Variants in EGF observed in about 807,000 individuals in gnomAD.
The protein encoded by EGF is pro-epidermal growth factor.
A neutral mutation model predicts 143.8 loss-of-function variants in EGF; 95 were observed. That is an observed-to-expected ratio of 0.66 (90% CI 0.56 to 0.78). The LOEUF is 0.78. Ranked by LOEUF, EGF falls within the 30% of genes least tolerant of loss-of-function variation. EGF has a pLI of 0.00. For missense variants in EGF, 1,320 were observed against 1,470.9 expected (o/e 0.90, Z 1.68); for synonymous variants, 510 against 510.5 (o/e 1.00, Z 0.01).
At position 110,009,910 on chromosome 4, in the gene EGF, TGC is replaced by T. The variant is rs1239073280; in HGVS notation, c.3371-1291_3371-1290del. On this transcript the variant is annotated intron_variant, in intron 23 of 23. Transcript: ENST00000265171. ...AGTACATGCTAGGGGCAGCTGACTA[TGC>T]CAGGGGAAAAGAAAAGAAATACACC... Among the ~76,000 whole-genome samples, 5 of 152,290 alleles carry T rather than the reference TGC, an allele frequency of 3.3e-5. No homozygotes were observed. The East Asian group carries it at 9.6e-4, about 29-fold the overall frequency.
At chr4:109,948,505 G>A (rs1579569061) in intron 5 of EGF, among the ~76,000 whole-genome samples, 2 of 152,068 alleles carry the variant, frequency 1.3e-5, no homozygotes, top group Admixed American at 1.3e-4. Context: ...TGGGGGGGTG[G>A]ATGAAGTCTG....
intron 5 of EGF, among the ~76,000 whole-genome samples, chr4:109,948,950 A>C (rs1743329536): frequency 1.3e-5 from 2 of 152,200 alleles, no homozygotes; most frequent in African/African-American, 4.8e-5. Context: ...AAATCATATA[A>C]TCTGGTTGAT....
chr4:110,002,183 G>A (rs1486113216), intron 21 of EGF, among the ~76,000 whole-genome samples: 1 of 152,100 alleles, frequency 6.6e-6, no homozygotes, highest in Admixed American at 6.6e-5. Context: ...TTTGTCTTCT[G>A]TGTCTCTCAA....
chr4:109,920,343 C>A (rs2125933502), intron 1 of EGF, among the ~76,000 whole-genome samples: 1 of 151,760 alleles, frequency 6.6e-6, no homozygotes, highest in Non-Finnish European at 1.5e-5. Context: ...GACTCAATAA[C>A]TATCCTCAAT....
At position 109,993,284 on chromosome 4, in the gene EGF, A is replaced by G; in HGVS notation, c.2772A>G (p.Gly924=). The change falls in exon 19 of 24, where the codon GGA becomes GGG. Residue 924 remains glycine, a synonymous_variant. Transcript: ENST00000265171. ...DECQLGEHSC[G]ENASCTNTEG... is the part of the protein sequence containing the mutation. ...GCCAACTGGGGGAGCACAGCTGTGG[A>G]GAGAATGCCAGCTGCACAAATACAG... The G allele has an allele frequency of 6.2e-7, 1 of 1,613,780 alleles. No homozygotes were observed. The highest frequency in any genetic ancestry group is 8.5e-7 in the Non-Finnish European group (1 of 1,179,898).
chr4:110,005,861 A>G (rs922995014), intron 22 of EGF, among the ~76,000 whole-genome samples: 20 of 152,158 alleles, frequency 1.3e-4, no homozygotes, highest in African/African-American at 4.6e-4. Flanking sequence ...AGCAAAGGCA[A>G]TGTTTGGGGT....
intron 1 of EGF, among the ~76,000 whole-genome samples, chr4:109,934,781 T>G (rs4279279): frequency 0.38 from 57,734 of 151,996 alleles, 11,253 homozygotes; most frequent in East Asian, 0.5. Flanking sequence ...TCTCCATATG[T>G]CTAGCCAGTT....
At chr4:109,927,936 T>A in intron 1 of EGF, among the ~76,000 whole-genome samples, 1 of 151,980 alleles carries the variant, frequency 6.6e-6, no homozygotes, top group East Asian at 1.9e-4. Flanking sequence ...AAATTGAGCA[T>A]AATTTGTGTT....
At chr4:109,953,536 G>A (rs1319958539) in intron 5 of EGF, among the ~76,000 whole-genome samples, 1 of 152,186 alleles carries the variant, frequency 6.6e-6, no homozygotes, top group African/African-American at 2.4e-5. Context: ...TAAAGAGTTA[G>A]TGTCCTAACC....
chr4:109,954,137 C>T (rs865927889), intron 5 of EGF, among the ~76,000 whole-genome samples: 10 of 152,136 alleles, frequency 6.6e-5, no homozygotes, highest in East Asian at 1.9e-4. Context: ...CTGCAACCTC[C>T]GCCTCCCAGG....
intron 5 of EGF, among the ~76,000 whole-genome samples, chr4:109,957,422 A>G (rs1314610185): frequency 6.6e-6 from 1 of 152,246 alleles, no homozygotes; most frequent in Non-Finnish European, 1.5e-5. Context: ...TATATATATC[A>G]TGCTCAAGCA....
chr4:109,940,947 TC>T lies in EGF; in HGVS notation c.131del (p.Pro44LeufsTer5). The T allele has an allele frequency of 6.2e-7, 1 of 1,614,028 alleles. No individual in the cohort carries two copies. Among genetic ancestry groups the T allele is most frequent in the Non-Finnish European group, 8.5e-7 (1 of 1,179,920 alleles). The part of the protein sequence containing the change: ...AGNGNSTCVG[P>X]APFLIFSHGN... ...TTTGGTCTCTTTCTTCCCACCCAGG[TC>T]CTGCACCCTTCTTAATTTTCTCCCA... On this transcript the variant is annotated frameshift_variant and splice_region_variant, in exon 2 of 24. Transcript: ENST00000265171. LOFTEE classifies it high-confidence loss of function.
intron 3 of EGF, among the ~76,000 whole-genome samples, 194 bp downstream of exon 3, chr4:109,943,629 A>G (rs1442528968): frequency 6.6e-6 from 1 of 152,180 alleles, no homozygotes; most frequent in Non-Finnish European, 1.5e-5. Context: ...AATATTCCTA[A>G]CTATCATGGT....
rs545591810 is a variant in EGF at position 109,913,352 on chromosome 4, T to C, written c.17T>C (p.Ile6Thr). 7.4e-6 allele frequency: 12 copies of C among 1,613,984 alleles called. No homozygotes were observed. In the African/African-American group the frequency reaches 8.0e-5, roughly 11 times the overall value. ...ATCAAGATTATGCTGCTCACTCTTA[T>C]CATTCTGTTGCCAGTAGTTTCAAAA... MLLTL[I>T]ILLPVVSKFS... Residue 6 changes from isoleucine to threonine, a missense_variant, in exon 1 of 24, where the codon ATC becomes ACC. Ile to Thr is a moderately conservative substitution (Grantham distance 89). Transcript: ENST00000265171.
intron 16 of EGF, among the ~76,000 whole-genome samples, chr4:109,984,065 T>C (rs1217585026): frequency 6.6e-6 from 1 of 152,214 alleles, no homozygotes; most frequent in Non-Finnish European, 1.5e-5. Flanking sequence ...ACTTAAGTCT[T>C]TCTTGTTCCA....
At chr4:109,928,002 G>C (rs1739035493) in intron 1 of EGF, among the ~76,000 whole-genome samples, 2 of 152,038 alleles carry the variant, frequency 1.3e-5, no homozygotes, top group African/African-American at 2.4e-5. Context: ...TATAGCATAG[G>C]AACATTATAA....
At chr4:109,987,617 T>C (rs1750325116) in intron 16 of EGF, 127 bp from the exon 17 acceptor site, 4 of 800,758 alleles carry the variant, frequency 5.0e-6, no homozygotes, top group Admixed American at 3.4e-5. Flanking sequence ...GCGTTTCTAT[T>C]TGGAGGTTAA....
rs1754146939 is a variant in EGF at position 110,013,273 on chromosome 4, T to G, written c.*1818T>G. 6.6e-6 allele frequency among the ~76,000 whole-genome samples: 1 copy of G among 152,196 alleles called. No homozygotes were observed. On this transcript the variant is annotated 3_prime_UTR_variant, in exon 24 of 24. Transcript: ENST00000265171. ...GGGTTTAGATTAAATTTTTGTATTT[T>G]AGCACCTTTTTCTTTTAGGGGTTCA... is the stretch of plus-strand genomic sequence containing the variant.
At chr4:109,957,374 G>C (rs1185051874) in intron 5 of EGF, among the ~76,000 whole-genome samples, 1 of 152,208 alleles carries the variant, frequency 6.6e-6, no homozygotes, top group East Asian at 1.9e-4. Flanking sequence ...CCTTTACGAG[G>C]AAAGTAACCT....
Sources: allele counts gnomAD v4.1 joint callset (sites outside exome capture counted in the v4.1 genomes callset), GRCh38; gene constraint gnomAD v4.1.1; transcripts MANE v1.5; gene names NCBI Gene and HGNC (gene_info 2026-07-23, HGNC 2026-07-21).